Variants in GRM5 observed in about 807,000 individuals in gnomAD.
GRM5 encodes the protein glutamate metabotropic receptor 5.
Under a neutral mutation model 83.1 loss-of-function variants are expected in GRM5, and 19 were observed. That is an observed-to-expected ratio of 0.23 (90% CI 0.16 to 0.34). The LOEUF (loss-of-function observed/expected upper bound fraction) is 0.34, where lower values mean the gene tolerates loss of function less well. GRM5 is among the 10% of genes least tolerant of loss of function. The pLI is 1.00. For synonymous variants in GRM5, 675 were observed against 633.6 expected, an observed-to-expected ratio of 1.07 and a Z score of -0.98; for missense variants, 1,160 against 1,588.3, an observed-to-expected ratio of 0.73 and a Z score of 4.58.
chr11:88,567,509 C>T lies in GRM5; in HGVS notation c.2174G>A (p.Ser725Asn), dbSNP rs767750927. 6.8e-6 allele frequency: 11 copies of T among 1,613,774 alleles called. No individual in the cohort carries two copies. The highest frequency in any genetic ancestry group is 9.3e-6 in the Non-Finnish European group (11 of 1,179,796). The change falls in exon 8 of 10, where the codon AGC becomes AAC. Residue 725 changes from serine to asparagine, a missense_variant. By Grantham distance (46) the Ser-to-Asn change is conservative. Coordinates refer to ENST00000305447, the MANE Select transcript of GRM5 (RefSeq NM_001143831.3). This position sits in a 1 kb window ranked among gnomAD's most constrained non-coding sequence, Gnocchi z 7.3. ...EPPDIMHDYP[S>N]IREVYLICNT... Reference sequence around the variant, plus strand: ...ACAGATCAGGTAGACTTCTCGAATGCTTGGGTAGTCATGCATTATGTCAGG... The same window carrying T: ...ACAGATCAGGTAGACTTCTCGAATGTTTGGGTAGTCATGCATTATGTCAGG...
At chr11:88,701,354 A>G (rs1483745307) in intron 3 of GRM5, among the ~76,000 whole-genome samples, 1 of 152,142 alleles carries the variant, frequency 6.6e-6, no homozygotes, top group East Asian at 1.9e-4. Flanking sequence ...GGTGATCAGG[A>G]AGTCAGACCT....
intron 4 of GRM5, among the ~76,000 whole-genome samples, chr11:88,633,009 T>A (rs1939019157): frequency 6.6e-6 from 1 of 152,210 alleles, no homozygotes. Context: ...TTCATCAATA[T>A]TTTGAACAAG....
At chr11:88,726,233 A>G (rs1425250640) in intron 3 of GRM5, among the ~76,000 whole-genome samples, 4 of 152,198 alleles carry the variant, frequency 2.6e-5, no homozygotes, top group Admixed American at 6.6e-5. Flanking sequence ...CAAGAACTTC[A>G]TGAAGCATAG....
At chr11:88,919,905 T>A (rs1565292176) in intron 2 of GRM5, among the ~76,000 whole-genome samples, 2 of 151,766 alleles carry the variant, frequency 1.3e-5, no homozygotes, top group Non-Finnish European at 2.9e-5. Flanking sequence ...GAAAGCAATG[T>A]TAAGAGGAAA....
chr11:88,933,215 A>G (rs924387534), intron 2 of GRM5, among the ~76,000 whole-genome samples: 21 of 98,198 alleles, frequency 2.1e-4, no homozygotes, highest in African/African-American at 6.3e-4. Flanking sequence ...TTTGCTAAGC[A>G]TATGTTTGAT....
At chr11:88,730,361 A>T (rs574687842) in intron 3 of GRM5, among the ~76,000 whole-genome samples, 2 of 152,314 alleles carry the variant, frequency 1.3e-5, no homozygotes, top group African/African-American at 4.8e-5. Flanking sequence ...ATTATTAAAA[A>T]GTCAGGAAAC....
intron 8 of GRM5, among the ~76,000 whole-genome samples, chr11:88,536,504 T>C (rs1009986335): frequency 2.0e-5 from 3 of 152,210 alleles, no homozygotes; most frequent in African/African-American, 4.8e-5. Flanking sequence ...TTTTTCTGAC[T>C]TTAGTTTTTA....
chr11:88,567,919 G>A lies in GRM5; in HGVS notation c.1764C>T (p.Cys588=). Residue 588 remains cysteine, a synonymous_variant, in exon 8 of 10, where the codon TGC becomes TGT. Coordinates refer to ENST00000305447, the MANE Select transcript of GRM5 (RefSeq NM_001143831.3). This position sits in a 1 kb window ranked among gnomAD's most constrained non-coding sequence, Gnocchi z 7.3. ...CAAACAGGGTGGCCAGGAGGCCAAG[G>A]CAGGCAAACACCACAGCTGCAATGG... ...PEPIAAVVFA[C]LGLLATLFVT... is the part of the protein sequence containing the mutation. 1 of 1,613,976 alleles carries A rather than the reference G, an allele frequency of 6.2e-7. No individual in the cohort carries two copies. The highest frequency in any genetic ancestry group is 8.5e-7 in the Non-Finnish European group (1 of 1,179,864).
chr11:88,884,642 T>G (rs1945012105), intron 2 of GRM5, among the ~76,000 whole-genome samples: 2 of 152,136 alleles, frequency 1.3e-5, no homozygotes, highest in Admixed American at 1.3e-4. Context: ...GAATGATAGC[T>G]CCCATAATTC....
intron 1 of GRM5, among the ~76,000 whole-genome samples, chr11:89,055,523 A>G (rs1941853914): frequency 6.6e-6 from 1 of 152,100 alleles, no homozygotes; most frequent in Non-Finnish European, 1.5e-5. Flanking sequence ...AGGGCCCTGG[A>G]GATGATTCCA....
intron 3 of GRM5, 132 bp downstream of exon 3, chr11:88,849,774 T>C: frequency 2.4e-6 from 2 of 840,314 alleles, no homozygotes; most frequent in South Asian, 3.3e-5. Context: ...AGGTGCGTTA[T>C]GAAATTTAAG....
intron 2 of GRM5, among the ~76,000 whole-genome samples, chr11:88,973,060 G>A (rs1267695274): frequency 6.6e-6 from 1 of 152,142 alleles, no homozygotes; most frequent in Non-Finnish European, 1.5e-5. Flanking sequence ...AGGTATTAAA[G>A]AGATATGACA....
At chr11:88,558,701 T>C (rs1942683459) in intron 8 of GRM5, among the ~76,000 whole-genome samples, 1 of 147,076 alleles carries the variant, frequency 6.8e-6, no homozygotes, top group Admixed American at 7.1e-5. Flanking sequence ...CTTGGGAGGC[T>C]GAGGCAGGAG....
At chr11:88,516,205 A>G (rs1175995528) in intron 9 of GRM5, among the ~76,000 whole-genome samples, 1 of 152,190 alleles carries the variant, frequency 6.6e-6, no homozygotes, top group Non-Finnish European at 1.5e-5. Flanking sequence ...ATTGACAGGT[A>G]TTATTAACCT....
At chr11:88,853,529 A>G (rs1402895889) in intron 2 of GRM5, among the ~76,000 whole-genome samples, 1 of 151,948 alleles carries the variant, frequency 6.6e-6, no homozygotes, top group Non-Finnish European at 1.5e-5. Context: ...GAATAAGAAG[A>G]TGTACAAGGT....
intron 9 of GRM5, among the ~76,000 whole-genome samples, chr11:88,511,108 T>C (rs1941357190): frequency 1.3e-5 from 2 of 152,236 alleles, no homozygotes; most frequent in South Asian, 2.1e-4. Flanking sequence ...CAAGGATCTA[T>C]GCTTTTGACA....
chr11:88,721,331 A>C (rs1209165249), intron 3 of GRM5, among the ~76,000 whole-genome samples: 1 of 152,078 alleles, frequency 6.6e-6, no homozygotes, highest in African/African-American at 2.4e-5. Context: ...GCATCTTGTC[A>C]TTAAAGCCAC....
At chr11:88,988,204 G>A (rs935844432) in intron 2 of GRM5, among the ~76,000 whole-genome samples, 14 of 152,084 alleles carry the variant, frequency 9.2e-5, no homozygotes, top group African/African-American at 2.7e-4. Flanking sequence ...CGAGAACTAC[G>A]CGAAGAATGC....
At chr11:89,000,108 G>A (rs1352713066) in intron 2 of GRM5, among the ~76,000 whole-genome samples, 1 of 152,098 alleles carries the variant, frequency 6.6e-6, no homozygotes, top group Non-Finnish European at 1.5e-5. Context: ...GGAAGGGGGA[G>A]GGATAGCATT....
Sources: allele counts gnomAD v4.1 joint callset (sites outside exome capture counted in the v4.1 genomes callset), GRCh38; gene constraint gnomAD v4.1.1; non-coding constraint Gnocchi (gnomAD v3.1); transcripts MANE v1.5; gene names NCBI Gene and HGNC (gene_info 2026-07-23, HGNC 2026-07-21).